Variants in ARHGEF28 observed in about 807,000 individuals in gnomAD.
ARHGEF28 encodes the protein 190 kDa guanine nucleotide exchange factor.
Under a neutral mutation model 206.6 loss-of-function variants are expected in ARHGEF28, and 152 were observed. The observed-to-expected ratio is 0.74, with a 90% confidence interval of 0.64 to 0.84. The LOEUF is 0.84. ARHGEF28 is among the 40% of genes least tolerant of loss of function. The pLI, the probability that ARHGEF28 is intolerant of heterozygous loss-of-function variation, is 0.00. For missense variants in ARHGEF28, 2,028 were observed against 2,073.2 expected, an observed-to-expected ratio of 0.98 and a Z score of 0.42; for synonymous variants, 763 against 776.4, an observed-to-expected ratio of 0.98 and a Z score of 0.29.
chr5:73,887,500 T>C (rs1285773150), intron 25 of ARHGEF28, 103 bp from the exon 26 acceptor site: 11 of 893,080 alleles, frequency 1.2e-5, no homozygotes, highest in African/African-American at 3.4e-5. Flanking sequence ...GGTATTTTTA[T>C]AAAACTTTCA....
chr5:73,701,925 T>C (rs544548783), intron 2 of ARHGEF28, among the ~76,000 whole-genome samples: 1 of 152,366 alleles, frequency 6.6e-6, no homozygotes, highest in East Asian at 1.9e-4. Flanking sequence ...GTTTTGGCTC[T>C]TATGAATAAA....
intron 35 of ARHGEF28, among the ~76,000 whole-genome samples, chr5:73,912,769 A>C (rs1228936641): frequency 6.6e-6 from 1 of 152,232 alleles, no homozygotes; most frequent in Non-Finnish European, 1.5e-5. Flanking sequence ...TTAATATATT[A>C]TCTTACAACT....
In ARHGEF28 at chr5:73,853,618, A is replaced by T. The variant is rs546020208; in HGVS notation, c.1790+926A>T. Among the ~76,000 whole-genome samples, 41 of 152,316 alleles carry T rather than the reference A, an allele frequency of 2.7e-4. 1 individual carries two copies. The highest frequency in any genetic ancestry group is 3.4e-3 in the Middle Eastern group (1 of 294). ...GGAAGATTAAGAATGCCCTTGAAAG[A>T]TAGGATGATGATCAAGTTGACTTCG... On this transcript the variant is annotated intron_variant, in intron 14 of 35. Coordinates refer to ENST00000513042, the MANE Select transcript of ARHGEF28 (RefSeq NM_001177693.2).
At chr5:73,875,581 T>G (rs1314982350) in intron 22 of ARHGEF28, among the ~76,000 whole-genome samples, 2 of 152,116 alleles carry the variant, frequency 1.3e-5, no homozygotes, top group South Asian at 2.1e-4. Context: ...TAATCCATCT[T>G]GAATTAATTT....
intron 2 of ARHGEF28, among the ~76,000 whole-genome samples, chr5:73,709,600 G>A (rs1303957269): frequency 2.6e-5 from 4 of 152,122 alleles, no homozygotes; most frequent in Non-Finnish European, 5.9e-5. Context: ...TTGGTCAGCT[G>A]CTTGATTTAT....
chr5:73,887,302 A>G (rs947996650), intron 25 of ARHGEF28, among the ~76,000 whole-genome samples: 1 of 152,206 alleles, frequency 6.6e-6, no homozygotes, highest in Non-Finnish European at 1.5e-5. Flanking sequence ...TTCCTGCCGA[A>G]GGTAAGAGTT....
chr5:73,798,474 G>T (rs1037262636), intron 9 of ARHGEF28, among the ~76,000 whole-genome samples: 1 of 152,182 alleles, frequency 6.6e-6, no homozygotes, highest in Admixed American at 6.5e-5. Context: ...ATCCAAGCCG[G>T]TGCCCCAGAA....
intron 2 of ARHGEF28, among the ~76,000 whole-genome samples, chr5:73,715,212 G>A (rs1263797083): frequency 2.0e-5 from 3 of 152,150 alleles, no homozygotes; most frequent in Admixed American, 6.5e-5. Context: ...GAAAGTCACC[G>A]GACCCACAGT....
At chr5:73,853,516 A>G (rs1030275607) in intron 14 of ARHGEF28, among the ~76,000 whole-genome samples, 1 of 152,248 alleles carries the variant, frequency 6.6e-6, no homozygotes, top group African/African-American at 2.4e-5. Context: ...CAAAGTATTA[A>G]TAAGAAAAAG....
At chr5:73,901,403 A>G (rs929767967) in intron 31 of ARHGEF28, 119 bp downstream of exon 31, 3 of 703,856 alleles carry the variant, frequency 4.3e-6, no homozygotes, top group Middle Eastern at 2.5e-4. Flanking sequence ...ATTGTTCTCA[A>G]TTGATTTAAA....
chr5:73,938,936 T>G (rs1742383680), intron 35 of ARHGEF28, among the ~76,000 whole-genome samples: 1 of 151,982 alleles, frequency 6.6e-6, no homozygotes. Context: ...TATGTCTTTT[T>G]TTTTTTTTTT....
intron 2 of ARHGEF28, among the ~76,000 whole-genome samples, chr5:73,698,849 G>A (rs954895601): frequency 5.3e-5 from 8 of 151,698 alleles, no homozygotes; most frequent in African/African-American, 1.9e-4. Context: ...AGGAGAAGGC[G>A]TGGTCTGAGA....
intron 9 of ARHGEF28, chr5:73,813,716 A>C: frequency 1.3e-6 from 2 of 1,513,622 alleles, no homozygotes; most frequent in Non-Finnish European, 1.8e-6. Context: ...GCAAAACCAG[A>C]CATCCTATTC....
At chr5:73,748,897 C>T (rs1751880962) in intron 2 of ARHGEF28, among the ~76,000 whole-genome samples, 1 of 152,206 alleles carries the variant, frequency 6.6e-6, no homozygotes, top group Non-Finnish European at 1.5e-5. Flanking sequence ...GATGACCTGG[C>T]AGTCCCTACC....
chr5:73,886,128 T>A, intron 25 of ARHGEF28, 24 bp downstream of exon 25: 2 of 1,589,904 alleles, frequency 1.3e-6, no homozygotes, highest in Non-Finnish European at 1.7e-6. Context: ...ACCAGACCAA[T>A]TTCTCCCTTC....
In ARHGEF28 at chr5:73,932,800, CTTTTTTTTTT is replaced by C. The variant is rs386404110; in HGVS notation, c.4949-8027_4949-8018del. Among the ~76,000 whole-genome samples, 70 of 73,436 alleles carry C rather than the reference CTTTTTTTTTT, an allele frequency of 9.5e-4. No individual in the cohort carries two copies. In the East Asian group the frequency reaches 0.029, roughly 31 times the overall value. 48.2% of individuals were successfully genotyped at this position (73,436 alleles called of 152,430 possible). ...GTTATACTACTTTTATTTCCTATTTCTTTTTTTTTTTTTTTTTTTTTTTTTTGAGACAGAG... is the reference window on the plus strand; with the variant it reads ...GTTATACTACTTTTATTTCCTATTTCTTTTTTTTTTTTTTTTGAGACAGAG... On this transcript the variant is annotated intron_variant, in intron 35 of 35. Transcript: ENST00000513042.
chr5:73,639,272 T>C (rs1743921273), intron 1 of ARHGEF28, among the ~76,000 whole-genome samples: 1 of 149,260 alleles, frequency 6.7e-6, no homozygotes, highest in African/African-American at 2.5e-5. Context: ...TTTTTTACAA[T>C]GAGCATGAGC....
rs1256130390 is a variant in ARHGEF28 at position 73,911,538 on chromosome 5, TC to T, written c.4913del (p.Pro1638LeufsTer38). On this transcript the variant is annotated frameshift_variant, in exon 35 of 36. Coordinates refer to ENST00000513042, the MANE Select transcript of ARHGEF28 (RefSeq NM_001177693.2). LOFTEE classifies it low-confidence loss of function (END_TRUNC). ...CCGCTGGTTCCGGCCATCAGATACT[TC>T]CTTTCCATGAAAGCAGCAAGGATTC... ...TAAGSGHQIL[P>X]FHESSKDSCK... 6.2e-7 allele frequency: 1 copy of T among 1,611,628 alleles called. No homozygotes were observed. The highest frequency in any genetic ancestry group is 1.3e-5 in the African/African-American group (1 of 74,914).
intron 22 of ARHGEF28, among the ~76,000 whole-genome samples, chr5:73,873,956 T>C (rs1760272522): frequency 6.6e-6 from 1 of 152,218 alleles, no homozygotes; most frequent in Non-Finnish European, 1.5e-5. Flanking sequence ...CTAACTGTTT[T>C]CCAGAGTGGT....
Sources: gnomAD v4.1 joint callset for allele counts (sites outside exome capture counted in the v4.1 genomes callset) on GRCh38, gnomAD v4.1.1 for gene constraint, MANE v1.5 for transcripts, NCBI Gene and HGNC (gene_info 2026-07-23, HGNC 2026-07-21) for gene names.